Variants in MAGI1 observed in about 807,000 individuals in gnomAD.
MAGI1 encodes the protein membrane associated guanylate kinase, WW and PDZ domain containing 1, also known as membrane-associated guanylate kinase, WW and PDZ domain-containing protein 1.
A neutral mutation model predicts 139.9 loss-of-function variants in MAGI1; 58 were observed. The ratio of observed to expected loss-of-function variants is 0.41; its 90% CI spans 0.34 to 0.52. The LOEUF (loss-of-function observed/expected upper bound fraction) is 0.52, where lower values mean the gene tolerates loss of function less well. MAGI1 is among the 20% of genes least tolerant of loss of function. The pLI, the probability that MAGI1 is intolerant of heterozygous loss-of-function variation, is 0.12. For synonymous variants in MAGI1, 812 were observed against 737.9 expected (o/e 1.10, Z -1.63); for missense variants, 1,874 against 1,901.6 (o/e 0.99, Z 0.27).
intron 1 of MAGI1, among the ~76,000 whole-genome samples, chr3:65,876,355 C>G (rs144747391): frequency 7.2e-4 from 109 of 151,676 alleles, no homozygotes; most frequent in African/African-American, 2.3e-3. Context: ...CCACCCCCCC[C>G]AAAAAAGGCA....
chr3:65,582,992 A>T (rs1415254878), intron 2 of MAGI1, among the ~76,000 whole-genome samples: 1 of 152,228 alleles, frequency 6.6e-6, no homozygotes, highest in African/African-American at 2.4e-5. Context: ...GTCAAACCAA[A>T]CAAGTGAAAT....
At chr3:65,720,000 G>T (rs1049467104) in intron 1 of MAGI1, 4 of 152,182 alleles carry the variant, frequency 2.6e-5, no homozygotes, top group African/African-American at 9.7e-5. Context: ...TAGCGGAGTA[G>T]TGCTAAGTTA....
At chr3:65,705,087 T>C (rs2029942038) in intron 1 of MAGI1, among the ~76,000 whole-genome samples, 1 of 151,860 alleles carries the variant, frequency 6.6e-6, no homozygotes, top group African/African-American at 2.4e-5. Flanking sequence ...AGGACAGAAA[T>C]GCAGAGAATT....
At chr3:65,545,719 T>C (rs142129630) in intron 2 of MAGI1, among the ~76,000 whole-genome samples, 7 of 152,152 alleles carry the variant, frequency 4.6e-5, no homozygotes, top group African/African-American at 1.7e-4. Flanking sequence ...GAGCAATCTC[T>C]ACAGGCAGGA....
chr3:65,581,231 G>A (rs1333285054), intron 2 of MAGI1, among the ~76,000 whole-genome samples: 2 of 151,982 alleles, frequency 1.3e-5, no homozygotes, highest in African/African-American at 4.8e-5. Context: ...GTCAAAAAGG[G>A]GGCAGCACAA....
intron 18 of MAGI1, among the ~76,000 whole-genome samples, chr3:65,367,758 T>C (rs1389649838): frequency 5.9e-5 from 9 of 152,214 alleles, no homozygotes; most frequent in African/African-American, 2.2e-4. Flanking sequence ...AGTGAACTTT[T>C]AGTTTTTGGT....
chr3:65,637,388 A>T (rs1433015725), intron 1 of MAGI1, among the ~76,000 whole-genome samples: 3 of 151,458 alleles, frequency 2.0e-5, no homozygotes, highest in African/African-American at 7.3e-5. Flanking sequence ...CCCTGTCTCT[A>T]AAAAAAATGT....
chr3:65,701,274 C>CA (rs2089588030), intron 1 of MAGI1, among the ~76,000 whole-genome samples: 1 of 152,086 alleles, frequency 6.6e-6, no homozygotes, highest in Non-Finnish European at 1.5e-5. Flanking sequence ...TTTCTTGAGA[C>CA]AGAGTCTTGC....
chr3:65,818,348 A>T (rs536254466), intron 1 of MAGI1, among the ~76,000 whole-genome samples: 20 of 152,272 alleles, frequency 1.3e-4, no homozygotes, highest in Middle Eastern at 3.4e-3. Flanking sequence ...GATAATAAAC[A>T]TGGTAAGTTT....
chr3:66,010,200 G>A (rs566849730), intron 1 of MAGI1, among the ~76,000 whole-genome samples: 2 of 150,870 alleles, frequency 1.3e-5, no homozygotes, highest in East Asian at 2.0e-4. Flanking sequence ...GTATTAGTAA[G>A]TCATCACAAT....
intron 2 of MAGI1, among the ~76,000 whole-genome samples, chr3:65,507,136 C>A (rs1165745867): frequency 6.6e-6 from 1 of 152,156 alleles, no homozygotes; most frequent in Non-Finnish European, 1.5e-5. Flanking sequence ...GAAAGGTACA[C>A]TATAGTACTA....
intron 1 of MAGI1, among the ~76,000 whole-genome samples, chr3:65,887,731 G>A (rs78248682): frequency 0.017 from 2,551 of 152,268 alleles, 64 homozygotes; most frequent in African/African-American, 0.059. Flanking sequence ...AATTTGGATA[G>A]TAAGTCAGTT....
chr3:66,027,622 C>T (rs1002696188), intron 1 of MAGI1, among the ~76,000 whole-genome samples: 7 of 152,214 alleles, frequency 4.6e-5, no homozygotes, highest in African/African-American at 1.7e-4. Flanking sequence ...AGAATAAGCT[C>T]ATCTACCTAG....
intron 1 of MAGI1, among the ~76,000 whole-genome samples, chr3:65,630,320 G>A (rs1037673546): frequency 6.6e-6 from 1 of 152,144 alleles, no homozygotes; most frequent in Non-Finnish European, 1.5e-5. Flanking sequence ...AACTAAAGGA[G>A]GATGAGAGGC....
At chr3:66,030,599 G>A (rs2068537620) in intron 1 of MAGI1, among the ~76,000 whole-genome samples, 2 of 152,284 alleles carry the variant, frequency 1.3e-5, no homozygotes, top group Middle Eastern at 3.4e-3. Flanking sequence ...TTTCAATAAT[G>A]TGCTCACAAG....
At chr3:65,770,747 G>T (rs1220549689) in intron 1 of MAGI1, among the ~76,000 whole-genome samples, 2 of 152,026 alleles carry the variant, frequency 1.3e-5, no homozygotes, top group African/African-American at 4.8e-5. Context: ...GGAGTGCAGT[G>T]GCACAATCTC....
rs78379920 is a variant in MAGI1, at chr3:65,497,301, G to A, written c.431-3670C>T. On this transcript the variant is annotated intron_variant, in intron 2 of 22. Transcript: ENST00000402939. Reference sequence around the variant, plus strand: ...TAAGAACTTTTAACTTTTCGAAGATGAGAATAAGAGAAAGATCGTCAAAGG... The same window carrying A: ...TAAGAACTTTTAACTTTTCGAAGATAAGAATAAGAGAAAGATCGTCAAAGG... Among the ~76,000 whole-genome samples the A allele has an allele frequency of 4.2e-3, 633 of 152,284 alleles. 5 individuals are homozygous for A. Among genetic ancestry groups the A allele is most frequent in the African/African-American group, 0.014 (600 of 41,558 alleles).
At chr3:65,890,869 G>T (rs1441499245) in intron 1 of MAGI1, among the ~76,000 whole-genome samples, 1 of 152,094 alleles carries the variant, frequency 6.6e-6, no homozygotes, top group East Asian at 1.9e-4. Context: ...ACATTAACTT[G>T]GAAAGAAAAA....
intron 1 of MAGI1, among the ~76,000 whole-genome samples, chr3:65,698,296 C>T (rs2089356861): frequency 1.4e-5 from 2 of 141,372 alleles, no homozygotes; most frequent in South Asian, 2.2e-4. Context: ...AATGGCCATA[C>T]TGCCCAAGGT....
Sources: gnomAD v4.1 joint callset for allele counts (sites outside exome capture counted in the v4.1 genomes callset) on GRCh38, gnomAD v4.1.1 for gene constraint, MANE v1.5 for transcripts, NCBI Gene and HGNC (gene_info 2026-07-23, HGNC 2026-07-21) for gene names.